The following IPO7 variants were observed in gnomAD, a reference collection of about 807,000 sequenced individuals.
The protein encoded by IPO7 is importin-7.
IPO7 carries 13 observed loss-of-function variants against 136.4 expected under a neutral mutation model. The observed-to-expected ratio is 0.10, with a 90% CI of 0.06 to 0.15. The LOEUF (loss-of-function observed/expected upper bound fraction) is 0.15. Among genes scored for constraint, IPO7 ranks in the 10% least tolerant of loss-of-function variants. IPO7 has a pLI of 1.00. For synonymous variants in IPO7, 403 were observed against 404.4 expected (o/e 1.00, Z 0.04); for missense variants, 857 against 1,240.6 (o/e 0.69, Z 4.65).
At position 9,440,496 on chromosome 11, in the gene IPO7, C is replaced by A; in HGVS notation, c.2737C>A (p.Gln913Lys). ...SDEDDIDEDG[Q>K]EYLEILAKQA... ...TGAAGATGATATTGATGAAGATGGGCAAGAATATTTGGAGATTCTGGCTAA... is the reference window on the plus strand; with the variant it reads ...TGAAGATGATATTGATGAAGATGGGAAAGAATATTTGGAGATTCTGGCTAA... The change falls in exon 23 of 25, where the codon CAA becomes AAA. Residue 913 changes from glutamine to lysine, a missense_variant. Gln to Lys is a moderately conservative substitution (Grantham distance 53). Coordinates refer to ENST00000379719, the MANE Select transcript of IPO7 (RefSeq NM_006391.3). The A allele has an allele frequency of 6.2e-7, 1 of 1,613,886 alleles. No homozygotes were observed. The highest frequency in any genetic ancestry group is 8.5e-7 in the Non-Finnish European group (1 of 1,179,902).
At chr11:9,390,213 A>G (rs945063513) in intron 1 of IPO7, among the ~76,000 whole-genome samples, 2 of 152,062 alleles carry the variant, frequency 1.3e-5, no homozygotes, top group African/African-American at 2.4e-5. Context: ...ATGTACAGGC[A>G]GCAGTGCTAC....
intron 2 of IPO7, among the ~76,000 whole-genome samples, chr11:9,404,900 C>A (rs887725361): frequency 6.6e-6 from 1 of 151,978 alleles, no homozygotes; most frequent in South Asian, 2.1e-4. Flanking sequence ...AATAATTAGC[C>A]ATAATATGCC....
At position 9,409,943 on chromosome 11, in the gene IPO7, A is replaced by G. The variant is rs1318150316; in HGVS notation, c.336A>G (p.Thr112=). ...TGGCTTCCAGGGTACAGCTTACTACATGCATTCATCACATCATCAAACATG... is the reference window on the plus strand; with the variant it reads ...TGGCTTCCAGGGTACAGCTTACTACGTGCATTCATCACATCATCAAACATG... ...SPELIRVQLT[T]CIHHIIKHDY... Residue 112 remains threonine, a synonymous_variant, in exon 4 of 25, where the codon ACA becomes ACG. Coordinates refer to ENST00000379719, the MANE Select transcript of IPO7 (RefSeq NM_006391.3). 1.9e-6 allele frequency: 3 copies of G among 1,564,866 alleles called. No individual in the cohort carries two copies. In the South Asian group the frequency reaches 3.6e-5, roughly 19 times the overall value.
At chr11:9,390,769 C>CCCAGTCACTACA (rs1854618086) in intron 1 of IPO7, among the ~76,000 whole-genome samples, 4 of 960 alleles carry the variant, frequency 4.2e-3, no homozygotes, top group South Asian at 0.071. Context: ...GGGCAACATA[C>CCCAGTCACTACA]AAAAAAAATT....
At chr11:9,417,187 A>G (rs371638196) in intron 6 of IPO7, 39 bp downstream of exon 6, 1 of 861,302 alleles carries the variant, frequency 1.2e-6, no homozygotes, top group African/African-American at 1.7e-5. Flanking sequence ...CTAAATGTAA[A>G]TATTTAATGA....
chr11:9,402,851 C>CAA (rs570129815), intron 1 of IPO7: 74 of 125,634 alleles, frequency 5.9e-4, no homozygotes, highest in South Asian at 1.8e-3. Context: ...AAGACTGTCT[C>CAA]AAAAAAAAAA....
intron 5 of IPO7, chr11:9,414,619 CTTTTTTTTTTT>C (rs1164303193): frequency 0.011 from 771 of 71,366 alleles, 19 homozygotes; most frequent in African/African-American, 0.04. Flanking sequence ...CCTAATGAAT[CTTTTTTTTTTT>C]TTTTTTTTTT....
At position 9,446,948 on chromosome 11, in the gene IPO7, C is replaced by A. The variant is rs1219685077; in HGVS notation, c.*1754C>A. 1 of 152,066 alleles carries A rather than the reference C, an allele frequency of 6.6e-6. No individual in the cohort carries two copies. The highest frequency in any genetic ancestry group is 1.5e-5 in the Non-Finnish European group (1 of 68,024). 9.4% of individuals were successfully genotyped at this position (152,066 alleles called of 1,614,324 possible). A position where few individuals can be genotyped will look rare whatever the true frequency, so the allele number is the denominator to read the frequency against. ...TGTTAATCAAGTGTTTCTACTCCCC[C>A]CCGAAAATCCCCTGAAAGTTGGACA... On this transcript the variant is annotated 3_prime_UTR_variant, in exon 25 of 25. Coordinates refer to ENST00000379719, the MANE Select transcript of IPO7 (RefSeq NM_006391.3).
chr11:9,414,490 G>T, intron 5 of IPO7, 79 bp downstream of exon 5: 1 of 926,306 alleles, frequency 1.1e-6, no homozygotes, highest in Non-Finnish European at 1.6e-6. Flanking sequence ...AAGAATTTCA[G>T]CATTTGAATA....
chr11:9,437,392 C>T (rs761204932), intron 20 of IPO7, among the ~76,000 whole-genome samples: 11 of 144,130 alleles, frequency 7.6e-5, no homozygotes, highest in Non-Finnish European at 1.2e-4. Context: ...GTAGCTGGGA[C>T]TACAGGCACC....
intron 16 of IPO7, among the ~76,000 whole-genome samples, chr11:9,431,949 T>G (rs923066822): frequency 3.3e-5 from 5 of 152,086 alleles, no homozygotes; most frequent in Non-Finnish European, 5.9e-5. Flanking sequence ...CACTCCAGCC[T>G]GGGCGACAGA....
intron 22 of IPO7, among the ~76,000 whole-genome samples, chr11:9,439,582 TTTG>T (rs976770943): frequency 1.6e-4 from 24 of 152,134 alleles, no homozygotes; most frequent in African/African-American, 4.3e-4. Context: ...TTTGTTTTTT[TTTG>T]TTGTTGTTGT....
chr11:9,444,073 G>A (rs142197577), intron 24 of IPO7, among the ~76,000 whole-genome samples: 2,607 of 152,030 alleles, frequency 0.017, 69 homozygotes, highest in African/African-American at 0.059. Context: ...TCAGGAGTTT[G>A]AGAGCAGCCT....
rs1345594010 is a variant in IPO7, at chr11:9,414,426, G to A, written c.636+15G>A. 6.5e-7 allele frequency: 1 copy of A among 1,540,682 alleles called. No individual in the cohort carries two copies. Among genetic ancestry groups the A allele is most frequent in the Non-Finnish European group, 8.8e-7 (1 of 1,140,170 alleles). On this transcript the variant is annotated intron_variant, in intron 5 of 24. Coordinates refer to ENST00000379719, the MANE Select transcript of IPO7 (RefSeq NM_006391.3). ...CTCTTGTTCAGGTAATATCTGTGAA[G>A]CAGTTTTTATGCATAAAAAGTTAGT...
chr11:9,431,806 C>G (rs1855298109), intron 16 of IPO7, among the ~76,000 whole-genome samples: 2 of 151,996 alleles, frequency 1.3e-5, no homozygotes, highest in South Asian at 2.1e-4. Context: ...AAACCCCTGT[C>G]TCTACTAAAA....
At position 9,446,620 on chromosome 11, in the gene IPO7, T is replaced by C. The variant is rs1161064254; in HGVS notation, c.*1426T>C. ...TTTATATACATGTATACACAAAATA[T>C]TTCAAATTGAAAGCAACATCTTAAT... On this transcript the variant is annotated 3_prime_UTR_variant, in exon 25 of 25. Coordinates refer to ENST00000379719, the MANE Select transcript of IPO7 (RefSeq NM_006391.3). The C allele has an allele frequency of 1.3e-5, 2 of 152,154 alleles. No individual in the cohort carries two copies. Among genetic ancestry groups the C allele is most frequent in the Non-Finnish European group, 2.9e-5 (2 of 68,036 alleles). 9.4% of individuals were successfully genotyped at this position (152,154 alleles called of 1,614,324 possible).
intron 10 of IPO7, 65 bp downstream of exon 10, chr11:9,423,941 T>C: frequency 1.1e-6 from 1 of 889,764 alleles, no homozygotes; most frequent in South Asian, 1.4e-5. Context: ...TGATTGCATG[T>C]AGCCAACCTA....
intron 20 of IPO7, among the ~76,000 whole-genome samples, chr11:9,436,909 G>A (rs544912094): frequency 3.4e-5 from 3 of 88,058 alleles, no homozygotes; most frequent in South Asian, 4.2e-4. Flanking sequence ...TTTTTGAGAC[G>A]CTGTCTCGCC....
intron 8 of IPO7, among the ~76,000 whole-genome samples, chr11:9,422,540 A>G (rs183363468): frequency 6.6e-6 from 1 of 152,334 alleles, no homozygotes; most frequent in Non-Finnish European, 1.5e-5. Context: ...AACATGAAGT[A>G]GAGTTAGAAC....
Sources: allele counts gnomAD v4.1 joint callset (sites outside exome capture counted in the v4.1 genomes callset), GRCh38; gene constraint gnomAD v4.1.1; transcripts MANE v1.5; gene names NCBI Gene and HGNC (gene_info 2026-07-23, HGNC 2026-07-21).